The following SGCD variants were observed in gnomAD, a reference collection of about 807,000 sequenced individuals.
SGCD encodes sarcoglycan delta.
SGCD carries 18 observed loss-of-function variants against 36.6 expected under a neutral mutation model. The ratio of observed to expected loss-of-function variants is 0.49; its 90% CI spans 0.34 to 0.73. SGCD has a LOEUF of 0.73. Among genes scored for constraint, SGCD ranks in the 30% least tolerant of loss-of-function variants. The probability of loss-of-function intolerance (pLI) is 0.01; values close to 1 mark genes in which losing one functional copy is unlikely to be tolerated. For synonymous variants in SGCD, 133 were observed against 130.6 expected (o/e 1.02, Z -0.12); for missense variants, 387 against 346.7 (o/e 1.12, Z -0.92).
At chr5:155,729,268 G>T in the SGCD span, among the ~76,000 whole-genome samples, 3 of 152,220 alleles carry the variant, frequency 2.0e-5, no homozygotes, top group Admixed American at 2.0e-4. Context: ...CTTTTCAGCC[G>T]CCCGCGCGTT....
chr5:155,964,807 A>G (rs576559652), intron 1 of SGCD, among the ~76,000 whole-genome samples: 2 of 152,124 alleles, frequency 1.3e-5, no homozygotes, highest in Non-Finnish European at 1.5e-5. Context: ...GAACAAGTGC[A>G]TCTTTGCTGA....
At chr5:155,729,218 G>A in the SGCD span, among the ~76,000 whole-genome samples, 1,397 of 152,356 alleles carry the variant, frequency 9.2e-3, 30 homozygotes, top group African/African-American at 0.032. Flanking sequence ...GGGCTCCCTA[G>A]AGCAGATCGC....
intron 1 of SGCD, among the ~76,000 whole-genome samples, chr5:156,046,472 T>A (rs879718122): frequency 6.6e-6 from 1 of 152,156 alleles, no homozygotes; most frequent in Non-Finnish European, 1.5e-5. Flanking sequence ...TTGGTGCCAT[T>A]TTTTTCCAAA....
rs199520526 is a variant in SGCD, at chr5:156,759,272, C to T, written c.755C>T (p.Thr252Met). ...CCTAGACTGCCTCATGGATCCTACA[C>T]GCCTACAGGAACGAGGCAGAAGGTC... ...RLPRLPHGSY[T>M]PTGTRQKVFE... The change falls in exon 9 of 9, where the codon ACG (threonine) becomes ATG (methionine). Residue 252 changes from threonine (T) to methionine (M), a missense_variant. Thr to Met is a moderately conservative substitution (Grantham distance 81). Transcript: ENST00000337851. 90 of 1,613,068 alleles carry T rather than the reference C, an allele frequency of 5.6e-5. No homozygotes were observed. Among genetic ancestry groups the T allele is most frequent in the Admixed American group, 5.0e-4 (30 of 59,982 alleles).
intron 7 of SGCD, chr5:156,739,580 A>G (rs2113070632): frequency 6.6e-6 from 1 of 152,292 alleles, no homozygotes; most frequent in East Asian, 1.9e-4. Context: ...GATCTGTCAA[A>G]TATCCTCTTC....
Position 156,488,124 on chromosome 5 carries a change from T to TTA in SGCD, c.193-20477_193-20476insTA, listed in dbSNP as rs1429861317. The stretch of plus-strand genomic sequence containing the variant: ...TTTTTTTTTTTTTTTTTTTTTTTTT[T>TTA]AAATAACCCAGTTAGACAAAAAATA... On this transcript the variant is annotated intron_variant, in intron 3 of 8. Coordinates refer to ENST00000337851, the MANE Select transcript of SGCD (RefSeq NM_000337.6). Among the ~76,000 whole-genome samples the TTA allele has an allele frequency of 7.2e-3, 940 of 130,550 alleles. 8 individuals carry two copies. Among genetic ancestry groups the TTA allele is most frequent in the African/African-American group, 0.015 (520 of 35,124 alleles). The allele number at this position is 130,550 out of a possible 152,430, so 85.6% of individuals were successfully genotyped here. A position where few individuals can be genotyped will look rare whatever the true frequency, so the allele number is the denominator to read the frequency against.
At chr5:156,204,607 T>C (rs1206187263) in intron 3 of SGCD, among the ~76,000 whole-genome samples, 1 of 152,070 alleles carries the variant, frequency 6.6e-6, no homozygotes, top group Non-Finnish European at 1.5e-5. Flanking sequence ...CTTGGCAAGT[T>C]ATGTCACCCT....
rs1027136416 is a variant in SGCD at position 156,215,403 on chromosome 5, T to A, written c.-44+91384T>A. 5.1e-4 allele frequency among the ~76,000 whole-genome samples: 78 copies of A among 152,216 alleles called. 1 individual carries two copies. The highest frequency in any genetic ancestry group is 1.8e-3 in the African/African-American group (74 of 41,554). ...CAGAATGTAAAGACAGCCTTTGCAC[T>A]GGGACAAAATATGTGCAAACCATAC... On this transcript the variant is annotated intron_variant, in intron 3 of 9. Transcript: ENST00000517913.
At position 156,117,381 on chromosome 5, in the gene SGCD, C is replaced by A. The variant is rs141204857; in HGVS notation, c.-281-497C>A. ...CCCCTTGAGGAGGTTTTACTTAAAT[C>A]TAATACCCATTGAACTTCAACCCAG... is the stretch of plus-strand genomic sequence containing the variant. On this transcript the variant is annotated intron_variant, in intron 1 of 9. Coordinates refer to the SGCD transcript ENST00000517913. Among the ~76,000 whole-genome samples the A allele has an allele frequency of 2.0e-3, 307 of 152,210 alleles. 2 individuals are homozygous for A. Among genetic ancestry groups the A allele is most frequent in the African/African-American group, 7.0e-3 (291 of 41,540 alleles).
intron 1 of SGCD, among the ~76,000 whole-genome samples, chr5:155,908,188 A>G (rs918554658): frequency 4.6e-5 from 7 of 152,146 alleles, no homozygotes; most frequent in African/African-American, 1.4e-4. Context: ...ACAGACAAAC[A>G]TAACTTTTAT....
At chr5:156,643,901 T>TA (rs1460246873) in intron 6 of SGCD, among the ~76,000 whole-genome samples, 21 of 152,266 alleles carry the variant, frequency 1.4e-4, no homozygotes, top group African/African-American at 4.8e-4. Context: ...CATCAGATAT[T>TA]TTAACTCTGC....
chr5:156,612,807 G>A (rs1761876888), intron 6 of SGCD, among the ~76,000 whole-genome samples: 1 of 152,190 alleles, frequency 6.6e-6, no homozygotes, highest in South Asian at 2.1e-4. Flanking sequence ...CTGTGGTGCT[G>A]TAGCCACTTA....
chr5:156,304,090 C>A (rs1767133902), intron 3 of SGCD, among the ~76,000 whole-genome samples: 1 of 152,096 alleles, frequency 6.6e-6, no homozygotes, highest in African/African-American at 2.4e-5. Context: ...TACTTTGGAC[C>A]ACAGAGCACT....
intron 3 of SGCD, among the ~76,000 whole-genome samples, chr5:156,255,231 A>T (rs1388686145): frequency 6.6e-6 from 1 of 152,224 alleles, no homozygotes; most frequent in African/African-American, 2.4e-5. Flanking sequence ...TGGATAAGTG[A>T]TACTTAATCT....
the SGCD span, among the ~76,000 whole-genome samples, chr5:155,813,070 G>A: frequency 6.6e-6 from 1 of 151,568 alleles, no homozygotes; most frequent in Non-Finnish European, 1.5e-5. Flanking sequence ...GAAGGAAAAA[G>A]GAATACAAGA....
At chr5:156,226,868 T>C (rs539336859) in intron 3 of SGCD, among the ~76,000 whole-genome samples, 1 of 152,280 alleles carries the variant, frequency 6.6e-6, no homozygotes, top group East Asian at 1.9e-4. Context: ...TTTTTTTTTG[T>C]ATGTTTGTTG....
intron 1 of SGCD, among the ~76,000 whole-genome samples, chr5:155,902,141 C>T (rs923608241): frequency 2.0e-5 from 3 of 152,158 alleles, no homozygotes; most frequent in Non-Finnish European, 2.9e-5. Flanking sequence ...AACACTTAAC[C>T]GTGTGCCTTT....
intron 3 of SGCD, among the ~76,000 whole-genome samples, chr5:156,381,829 G>A (rs1770997668): frequency 6.6e-6 from 1 of 152,074 alleles, no homozygotes; most frequent in Non-Finnish European, 1.5e-5. Flanking sequence ...TTAAGCCTCT[G>A]TGAACTTGAG....
chr5:156,267,519 C>T (rs1040421798), intron 3 of SGCD, among the ~76,000 whole-genome samples: 3 of 152,302 alleles, frequency 2.0e-5, no homozygotes, highest in South Asian at 2.1e-4. Context: ...AGCGGTTTTT[C>T]GGAAACCAGC....
Sources: allele counts gnomAD v4.1 joint callset (sites outside exome capture counted in the v4.1 genomes callset), GRCh38; gene constraint gnomAD v4.1.1; transcripts MANE v1.5; gene names NCBI Gene and HGNC (gene_info 2026-07-23, HGNC 2026-07-21).